The following KIF13B variants were observed in gnomAD, a reference collection of about 807,000 sequenced individuals.
KIF13B encodes kinesin family member 13B, also known as kinesin-like protein KIF13B.
In KIF13B, 127 loss-of-function variants were observed where a neutral mutation model predicts 222.0. The ratio of observed to expected loss-of-function variants is 0.57; its 90% CI spans 0.50 to 0.66. The LOEUF is 0.66. KIF13B is among the 30% of genes least tolerant of loss of function. The pLI, the probability that KIF13B is intolerant of heterozygous loss-of-function variation, is 0.00. For synonymous variants in KIF13B, 976 were observed against 919.0 expected (o/e 1.06, Z -1.12); for missense variants, 2,173 against 2,379.0 (o/e 0.91, Z 1.80).
chr8:29,094,404 A>T (rs1808429752), intron 36 of KIF13B, among the ~76,000 whole-genome samples: 1 of 152,260 alleles, frequency 6.6e-6, no homozygotes, highest in African/African-American at 2.4e-5. Context: ...ATTTCTCACC[A>T]ATAAAAAATA....
intron 27 of KIF13B, 149 bp downstream of exon 27, chr8:29,123,875 G>A (rs1809989428): frequency 4.8e-6 from 3 of 625,588 alleles, no homozygotes; most frequent in Non-Finnish European, 5.7e-6. Flanking sequence ...TAAAGGATAT[G>A]ACATAAACAA....
rs79243855 is a variant in KIF13B, at chr8:29,084,205, C to T, written c.4458+8540G>A. Among the ~76,000 whole-genome samples the T allele has an allele frequency of 4.7e-3, 713 of 152,250 alleles. 7 individuals are homozygous for T. Among genetic ancestry groups the T allele is most frequent in the African/African-American group, 0.016 (680 of 41,552 alleles). On this transcript the variant is annotated intron_variant, in intron 37 of 39. Transcript: ENST00000524189. ...TGCTGGGATTACAAGCGTGAGCCACCGCACCCGACCGTGTTTTCTTCTTTT... is the reference window on the plus strand; with the variant it reads ...TGCTGGGATTACAAGCGTGAGCCACTGCACCCGACCGTGTTTTCTTCTTTT...
intron 35 of KIF13B, among the ~76,000 whole-genome samples, chr8:29,101,516 T>C (rs1360914160): frequency 2.0e-5 from 3 of 152,146 alleles, no homozygotes; most frequent in East Asian, 1.9e-4. Flanking sequence ...CAGGCCCCGA[T>C]GGCTTCAGGG....
chr8:29,183,164 G>A (rs200951071), intron 6 of KIF13B, among the ~76,000 whole-genome samples: 1 of 104,836 alleles, frequency 9.5e-6, no homozygotes. Context: ...AATCCTTAAA[G>A]TTTGTTTTTT....
chr8:29,133,980 TTC>T, intron 22 of KIF13B, 58 bp downstream of exon 22: 2 of 1,484,788 alleles, frequency 1.3e-6, no homozygotes, highest in Non-Finnish European at 1.8e-6. Flanking sequence ...AAGGTTCATT[TTC>T]TGTTTTGTTT....
rs1441755599 is a variant in KIF13B at position 29,084,584 on chromosome 8, T to C, written c.4458+8161A>G. On this transcript the variant is annotated intron_variant, in intron 37 of 39. Coordinates refer to ENST00000524189, the MANE Select transcript of KIF13B (RefSeq NM_015254.4). The stretch of plus-strand genomic sequence containing the variant: ...ACACATAAATCAAGACAGGCCGGCA[T>C]TGTGACTGTGCTTTTGATAGTGGAA... Among the ~76,000 whole-genome samples the C allele has an allele frequency of 2.6e-5, 4 of 152,342 alleles. No individual in the cohort carries two copies. The East Asian group carries it at 5.8e-4, about 22-fold the overall frequency.
intron 35 of KIF13B, among the ~76,000 whole-genome samples, chr8:29,104,258 C>T (rs1025715317): frequency 6.6e-6 from 1 of 152,096 alleles, no homozygotes. Flanking sequence ...GGAACTGAAT[C>T]ATTTCCTCCC....
chr8:29,129,880 T>C (rs1020852756), intron 24 of KIF13B, among the ~76,000 whole-genome samples: 2 of 152,186 alleles, frequency 1.3e-5, no homozygotes, highest in Non-Finnish European at 2.9e-5. Flanking sequence ...ACTAATCTCA[T>C]GAAGGTGGTG....
chr8:29,127,888 T>C (rs538600120), intron 24 of KIF13B, among the ~76,000 whole-genome samples: 1 of 152,134 alleles, frequency 6.6e-6, no homozygotes, highest in South Asian at 2.1e-4. Flanking sequence ...TTCAATAACT[T>C]TATTATTTGT....
At chr8:29,188,676 A>G (rs575544143) in intron 4 of KIF13B, 69 bp from the exon 5 acceptor site, 42 of 991,712 alleles carry the variant, frequency 4.2e-5, no homozygotes, top group Admixed American at 3.1e-4. Flanking sequence ...CACAAAACAA[A>G]AACAAAAATC....
chr8:29,234,369 C>T (rs1178596763), intron 2 of KIF13B, among the ~76,000 whole-genome samples: 1 of 151,896 alleles, frequency 6.6e-6, no homozygotes, highest in African/African-American at 2.4e-5. Flanking sequence ...TGTGCTATAA[C>T]ATGGATGAAC....
In KIF13B at chr8:29,142,322, T is replaced by C. The variant is rs985268990; in HGVS notation, c.2188-19A>G. On this transcript the variant is annotated intron_variant, in intron 18 of 39. Transcript: ENST00000524189. ...AGCCTCGCTGCAAAGAGAGTAAGAA[T>C]GACCGTGAGAAACACACAGGCAGCG... 1.2e-6 allele frequency: 2 copies of C among 1,601,752 alleles called. No individual in the cohort carries two copies. The highest frequency in any genetic ancestry group is 3.5e-5 in the Admixed American group (2 of 57,628).
At position 29,071,256 on chromosome 8, in the gene KIF13B, T is replaced by C. The variant is rs146709064; in HGVS notation, c.5218+364A>G. ...GCCAGCGAGATGTGTCCGGATGGGG[T>C]GAGGAAGAGCCTCCTGGAACGGCAA... On this transcript the variant is annotated intron_variant, in intron 39 of 39. Coordinates refer to ENST00000524189, the MANE Select transcript of KIF13B (RefSeq NM_015254.4). This position sits in a 1 kb window ranked among gnomAD's most constrained non-coding sequence, Gnocchi z 4.9. Among the ~76,000 whole-genome samples the C allele has an allele frequency of 2.2e-3, 340 of 151,754 alleles. 1 individual carries two copies. Among genetic ancestry groups the C allele is most frequent in the East Asian group, 0.013 (66 of 5,140 alleles).
chr8:29,177,994 A>G (rs1440423974), intron 8 of KIF13B, among the ~76,000 whole-genome samples: 3 of 152,340 alleles, frequency 2.0e-5, no homozygotes, highest in Non-Finnish European at 4.4e-5. Context: ...CTGTTACTTC[A>G]AAATTATTTT....
Position 29,167,534 on chromosome 8 carries a change from C to A in KIF13B, c.997G>T (p.Ala333Ser). The A allele has an allele frequency of 6.2e-7, 1 of 1,614,062 alleles. No individual in the cohort carries two copies. The highest frequency in any genetic ancestry group is 8.5e-7 in the Non-Finnish European group (1 of 1,179,904). The change falls in exon 11 of 40, where the codon GCA becomes TCA. Residue 333 changes from alanine to serine, a missense_variant. Ala to Ser is a moderately conservative substitution (Grantham distance 99, BLOSUM62 1). Coordinates refer to ENST00000524189, the MANE Select transcript of KIF13B (RefSeq NM_015254.4). ...AGGGTTTCATCATAGTTATCAGCTG[C>A]AGGACTCACAGTAGCCACCATGGCG... is the stretch of plus-strand genomic sequence containing the variant. ...KTAMVATVSP[A>S]ADNYDETLST...
At chr8:29,092,013 C>T (rs972989788) in intron 37 of KIF13B, among the ~76,000 whole-genome samples, 2 of 152,244 alleles carry the variant, frequency 1.3e-5, no homozygotes, top group African/African-American at 4.8e-5. Flanking sequence ...ATTACTGCAA[C>T]TTGAATGTTT....
chr8:29,140,734 T>G, intron 19 of KIF13B, 117 bp from the exon 20 acceptor site: 3 of 944,652 alleles, frequency 3.2e-6, no homozygotes, highest in Non-Finnish European at 3.1e-6. Flanking sequence ...ATCCTAACTC[T>G]TGTATTTTTT....
At chr8:29,082,702 A>G (rs562896583) in intron 37 of KIF13B, among the ~76,000 whole-genome samples, 50 of 152,258 alleles carry the variant, frequency 3.3e-4, no homozygotes, top group Non-Finnish European at 6.5e-4. Context: ...AAGCGTTCAT[A>G]TAAGAAAATT....
chr8:29,160,118 A>G (rs1413128128), intron 13 of KIF13B, among the ~76,000 whole-genome samples: 2 of 152,252 alleles, frequency 1.3e-5, no homozygotes, highest in Non-Finnish European at 2.9e-5. Context: ...GTTCAGACTT[A>G]TTCTGAAGTT....
Sources: allele counts gnomAD v4.1 joint callset (sites outside exome capture counted in the v4.1 genomes callset), GRCh38; gene constraint gnomAD v4.1.1; non-coding constraint Gnocchi (gnomAD v3.1); transcripts MANE v1.5; gene names NCBI Gene and HGNC (gene_info 2026-07-23, HGNC 2026-07-21).